ADARB1: variants seen among roughly 807,000 people sequenced by gnomAD.
ADARB1 encodes the protein double-stranded RNA-specific editase 1.
Under a neutral mutation model 52.4 loss-of-function variants are expected in ADARB1, and 10 were observed. The ratio of observed to expected loss-of-function variants is 0.19; its 90% CI spans 0.12 to 0.32. The LOEUF (loss-of-function observed/expected upper bound fraction) is 0.32. ADARB1 is among the 10% of genes least tolerant of loss of function. ADARB1 has a pLI of 1.00. For missense variants in ADARB1, 643 were observed against 922.3 expected (o/e 0.70, Z 3.92); for synonymous variants, 349 against 371.1 (o/e 0.94, Z 0.68).
intron 8 of ADARB1, among the ~76,000 whole-genome samples, chr21:45,192,088 T>C (rs1475692978): frequency 2.0e-5 from 3 of 151,822 alleles, no homozygotes; most frequent in African/African-American, 7.3e-5. Flanking sequence ...TTCTTTGAAA[T>C]AAGCCAGTCG....
rs1476136976 is a variant in ADARB1 at position 45,225,351 on chromosome 21, A to G, written c.*3154A>G. 2 of 1,233,636 alleles carry G rather than the reference A, an allele frequency of 1.6e-6. No homozygotes were observed. The highest frequency in any genetic ancestry group is 2.0e-6 in the Non-Finnish European group (2 of 988,268). The allele number at this position is 1,233,636 out of a possible 1,614,324, so 76.4% of individuals were successfully genotyped here. A position where few individuals can be genotyped will look rare whatever the true frequency, so the allele number is the denominator to read the frequency against. On this transcript the variant is annotated 3_prime_UTR_variant, in exon 11 of 11. Coordinates refer to ENST00000348831, the MANE Select transcript of ADARB1 (RefSeq NM_001112.4). ...AGTTTTTATTCTGAGTCTTAATTTA[A>G]CTTTTCATCATCTTTTCCTATTTTG...
chr21:45,077,166 G>A (rs771354385), intron 1 of ADARB1, among the ~76,000 whole-genome samples: 29 of 152,308 alleles, frequency 1.9e-4, no homozygotes, highest in Non-Finnish European at 4.0e-4. Context: ...AAATTTCTTA[G>A]CTGTAAGTTT....
chr21:45,176,502 G>T lies in ADARB1; in HGVS notation c.801G>T (p.Val267=). 6.2e-7 allele frequency: 1 copy of T among 1,614,186 alleles called. No homozygotes were observed. Among genetic ancestry groups the T allele is most frequent in the Non-Finnish European group, 8.5e-7 (1 of 1,180,034 alleles). ...ESHAKSFVMS[V]VVDGQFFEGS... ...ATGCCAAGAGCTTCGTCATGTCTGT[G>T]GTCGTGGATGGTCAGTTCTTTGAAG... is the stretch of plus-strand genomic sequence containing the variant. The change falls in exon 4 of 11, where the codon GTG becomes GTT. Residue 267 remains valine, a synonymous_variant. Transcript: ENST00000348831. The surrounding 1 kb of genome is among the most constrained non-coding windows in gnomAD (Gnocchi z 5.8).
intron 9 of ADARB1, among the ~76,000 whole-genome samples, chr21:45,215,464 C>A (rs2092845090): frequency 6.6e-6 from 1 of 150,684 alleles, no homozygotes; most frequent in Non-Finnish European, 1.5e-5. Context: ...TGCTTTTTTT[C>A]TGCTCTTAGA....
chr21:45,075,969 A>G (rs1464903452), intron 1 of ADARB1, among the ~76,000 whole-genome samples: 1 of 152,212 alleles, frequency 6.6e-6, no homozygotes, highest in African/African-American at 2.4e-5. Flanking sequence ...GAGAATACAA[A>G]TATGTATTTA....
chr21:45,205,889 TG>T (rs1440239028), intron 9 of ADARB1, among the ~76,000 whole-genome samples: 1 of 152,234 alleles, frequency 6.6e-6, no homozygotes, highest in Non-Finnish European at 1.5e-5. Flanking sequence ...TTCTAGTGCC[TG>T]GCAACTAGCA....
chr21:45,180,041 C>T lies in ADARB1; in HGVS notation c.964-289C>T, dbSNP rs547219555. 9.2e-5 allele frequency among the ~76,000 whole-genome samples: 14 copies of T among 152,322 alleles called. No individual in the cohort carries two copies. In the East Asian group the frequency reaches 1.9e-3, roughly 21 times the overall value. ...TCCTCCTGAGGGCCGGGCTGGCCTG[C>T]GGTGAGGATTGGAGGGATGCTCATG... On this transcript the variant is annotated intron_variant, in intron 4 of 10. Coordinates refer to ENST00000348831, the MANE Select transcript of ADARB1 (RefSeq NM_001112.4).
chr21:45,186,104 G>C (rs574925059), intron 8 of ADARB1, among the ~76,000 whole-genome samples: 5 of 152,350 alleles, frequency 3.3e-5, no homozygotes, highest in African/African-American at 9.6e-5. Flanking sequence ...TTGTGTGTGT[G>C]TGATGTGGGG....
chr21:45,207,006 G>A (rs1048873374), intron 9 of ADARB1, among the ~76,000 whole-genome samples: 2 of 152,190 alleles, frequency 1.3e-5, no homozygotes, highest in Non-Finnish European at 2.9e-5. Flanking sequence ...GGCTGCCCCT[G>A]CGTCAGCTCT....
At chr21:45,175,013 T>C (rs1451522461) in intron 3 of ADARB1, among the ~76,000 whole-genome samples, 3 of 151,566 alleles carry the variant, frequency 2.0e-5, no homozygotes, top group East Asian at 3.9e-4. Flanking sequence ...TCAGACTTAG[T>C]CAGCCCCCAT....
At chr21:45,125,884 C>G (rs1221466029) in intron 1 of ADARB1, among the ~76,000 whole-genome samples, 1 of 152,148 alleles carries the variant, frequency 6.6e-6, no homozygotes, top group Non-Finnish European at 1.5e-5. Flanking sequence ...TTACTTTGTT[C>G]TTCTCTCCCT....
intron 1 of ADARB1, among the ~76,000 whole-genome samples, chr21:45,112,853 C>G (rs1229598948): frequency 6.6e-6 from 1 of 152,012 alleles, no homozygotes; most frequent in Non-Finnish European, 1.5e-5. Flanking sequence ...GAGTTATGAT[C>G]TCAAAGATGG....
At chr21:45,126,490 G>A (rs1447873461) in intron 1 of ADARB1, among the ~76,000 whole-genome samples, 4 of 152,094 alleles carry the variant, frequency 2.6e-5, no homozygotes, top group South Asian at 2.1e-4. Context: ...TCTTAGTCAC[G>A]GGGCCAAGCA....
Position 45,176,429 on chromosome 21 carries a change from T to C in ADARB1, c.728T>C (p.Leu243Pro). 1 of 1,614,158 alleles carries C rather than the reference T, an allele frequency of 6.2e-7. No homozygotes were observed. Among genetic ancestry groups the C allele is most frequent in the Non-Finnish European group, 8.5e-7 (1 of 1,180,028 alleles). Residue 243 changes from leucine to proline, a missense_variant, in exon 4 of 11, where the codon CTG becomes CCG. Leu to Pro is a moderately conservative substitution (Grantham distance 98). Around this residue, in one of 2 missense-constraint regions of ADARB1, gnomAD observed 380 missense variants for 446.5 expected, o/e 0.85. Coordinates refer to ENST00000348831, the MANE Select transcript of ADARB1 (RefSeq NM_001112.4). This position sits in a 1 kb window ranked among gnomAD's most constrained non-coding sequence, Gnocchi z 5.8. ...GKNPVMILNE[L>P]RPGLKYDFLS... The stretch of plus-strand genomic sequence containing the variant: ...AATCCCGTGATGATCTTGAACGAAC[T>C]GCGCCCAGGACTCAAGTATGACTTC...
chr21:45,097,171 T>A (rs1306747579), intron 1 of ADARB1, among the ~76,000 whole-genome samples: 1 of 152,198 alleles, frequency 6.6e-6, no homozygotes, highest in Non-Finnish European at 1.5e-5. Context: ...ATGGGTGGGG[T>A]TGGCCCTTTC....
At chr21:45,163,277 C>T (rs1323379821) in intron 2 of ADARB1, among the ~76,000 whole-genome samples, 2 of 152,212 alleles carry the variant, frequency 1.3e-5, no homozygotes, top group African/African-American at 4.8e-5. Flanking sequence ...GTGGATACAG[C>T]CCACAAGGTC....
chr21:45,190,645 T>A (rs1272854909), intron 8 of ADARB1, among the ~76,000 whole-genome samples: 1 of 152,232 alleles, frequency 6.6e-6, no homozygotes, highest in Non-Finnish European at 1.5e-5. Context: ...CTAGGACCTC[T>A]TATGCTTTTT....
intron 8 of ADARB1, among the ~76,000 whole-genome samples, chr21:45,187,267 CT>C (rs2092140574): frequency 6.6e-6 from 1 of 152,058 alleles, no homozygotes; most frequent in African/African-American, 2.4e-5. Flanking sequence ...GTAATTTATT[CT>C]TTTTTGTGCT....
chr21:45,179,070 A>T (rs1247179072), intron 4 of ADARB1, among the ~76,000 whole-genome samples: 1 of 152,186 alleles, frequency 6.6e-6, no homozygotes, highest in Non-Finnish European at 1.5e-5. Context: ...ACTCGAATGA[A>T]TCGCCCTTTC....
Sources: allele counts gnomAD v4.1 joint callset (sites outside exome capture counted in the v4.1 genomes callset), GRCh38; gene constraint gnomAD v4.1.1; regional missense constraint gnomAD v4.1.1; non-coding constraint Gnocchi (gnomAD v3.1); transcripts MANE v1.5; gene names NCBI Gene and HGNC (gene_info 2026-07-23, HGNC 2026-07-21).